The following COBL variants were observed in gnomAD, a reference collection of about 807,000 sequenced individuals.
The protein encoded by COBL is cordon-bleu WH2 repeat protein.
Under a neutral mutation model 98.8 loss-of-function variants are expected in COBL, and 51 were observed. That is an observed-to-expected ratio of 0.52 (90% CI 0.41 to 0.65). COBL has a LOEUF of 0.65. COBL is among the 30% of genes least tolerant of loss of function. The probability of loss-of-function intolerance (pLI) is 0.00; values close to 1 mark genes in which losing one functional copy is unlikely to be tolerated. For missense variants in COBL, 1,617 were observed against 1,617.5 expected (o/e 1.00, Z 0.01); for synonymous variants, 634 against 651.7 (o/e 0.97, Z 0.41).
chr7:51,124,541 T>C (rs1798024507), intron 6 of COBL, among the ~76,000 whole-genome samples: 1 of 152,122 alleles, frequency 6.6e-6, no homozygotes, highest in Non-Finnish European at 1.5e-5. Context: ...GGATGGGAAT[T>C]AGACTGGAAC....
At chr7:51,055,364 C>T (rs993158603) in intron 7 of COBL, among the ~76,000 whole-genome samples, 1 of 152,180 alleles carries the variant, frequency 6.6e-6, no homozygotes. Context: ...TCCACAAGGC[C>T]GAATTCCTCT....
chr7:51,027,558 A>T (rs1562809607), intron 10 of COBL, among the ~76,000 whole-genome samples, 154 bp downstream of exon 10: 1 of 152,198 alleles, frequency 6.6e-6, no homozygotes, highest in Non-Finnish European at 1.5e-5. Context: ...AGGCAGTATG[A>T]TGGGAATTCT....
At chr7:51,207,894 G>A (rs1289372335) in intron 2 of COBL, among the ~76,000 whole-genome samples, 35 of 142,564 alleles carry the variant, frequency 2.5e-4, no homozygotes, top group African/African-American at 4.0e-4. Flanking sequence ...GCCGCCCATC[G>A]TCTGGGATGT....
intron 6 of COBL, among the ~76,000 whole-genome samples, chr7:51,116,179 A>G (rs1342638245): frequency 6.6e-6 from 1 of 152,114 alleles, no homozygotes; most frequent in African/African-American, 2.4e-5. Flanking sequence ...TAGTCTGTTA[A>G]CATTTAATGT....
intron 2 of COBL, among the ~76,000 whole-genome samples, chr7:51,218,230 T>C (rs1412561722): frequency 6.6e-6 from 1 of 152,242 alleles, no homozygotes; most frequent in Admixed American, 6.5e-5. Flanking sequence ...TATGCACCCC[T>C]TTGCCAATTA....
intron 1 of COBL, among the ~76,000 whole-genome samples, chr7:51,253,997 T>G (rs1259782703): frequency 2.6e-5 from 4 of 152,176 alleles, no homozygotes; most frequent in East Asian, 1.9e-4. Context: ...GCAAGCCATA[T>G]TCAAAGAAAT....
intron 2 of COBL, among the ~76,000 whole-genome samples, chr7:51,206,951 A>C (rs1022620449): frequency 6.6e-6 from 1 of 152,246 alleles, no homozygotes; most frequent in Non-Finnish European, 1.5e-5. Flanking sequence ...GTCCACCATG[A>C]GGACTGCAGC....
chr7:51,191,005 A>AGAG lies in COBL; in HGVS notation c.527_529dup (p.Pro176dup). On this transcript the variant is annotated inframe_insertion, in exon 4 of 13. Coordinates refer to ENST00000265136, the MANE Select transcript of COBL (RefSeq NM_015198.5). ...ACAAATGACTGGGAGAATATTCTGGAGAGGAACCTCAGGGCTCACACGCAC... is the reference window on the plus strand; with the variant it reads ...ACAAATGACTGGGAGAATATTCTGGAGAGGAGGAACCTCAGGGCTCACACGCAC... 1 of 1,614,166 alleles carries AGAG rather than the reference A, an allele frequency of 6.2e-7. No homozygotes were observed. Among genetic ancestry groups the AGAG allele is most frequent in the Middle Eastern group, 1.6e-4 (1 of 6,062 alleles).
At chr7:51,274,254 C>G (rs1201389535) in intron 1 of COBL, among the ~76,000 whole-genome samples, 1 of 152,196 alleles carries the variant, frequency 6.6e-6, no homozygotes, top group Non-Finnish European at 1.5e-5. Flanking sequence ...ACACACCTTC[C>G]CTCCCAAACA....
intron 1 of COBL, among the ~76,000 whole-genome samples, chr7:51,241,015 A>C (rs2129122441): frequency 6.6e-6 from 1 of 152,312 alleles, no homozygotes; most frequent in South Asian, 2.1e-4. Flanking sequence ...ACTTCCAGGC[A>C]GTGAGTGCTT....
At chr7:51,287,032 GTTAC>G (rs1298313170) in intron 1 of COBL, among the ~76,000 whole-genome samples, 1 of 152,180 alleles carries the variant, frequency 6.6e-6, no homozygotes, top group Non-Finnish European at 1.5e-5. Context: ...ACTGCATGTT[GTTAC>G]TTACAAGCGG....
At chr7:51,254,990 C>T (rs1002183937) in intron 1 of COBL, among the ~76,000 whole-genome samples, 1 of 152,162 alleles carries the variant, frequency 6.6e-6, no homozygotes, top group African/African-American at 2.4e-5. Flanking sequence ...TCCCTCCCCA[C>T]TCAATTAAAA....
intron 4 of COBL, chr7:51,188,071 T>A: frequency 2.4e-6 from 2 of 843,082 alleles, no homozygotes; most frequent in South Asian, 6.1e-5. Context: ...GCTGCAGCAG[T>A]GAGAAGGTCT....
intron 7 of COBL, among the ~76,000 whole-genome samples, chr7:51,056,172 G>A (rs1190963703): frequency 2.1e-5 from 3 of 144,940 alleles, no homozygotes; most frequent in Non-Finnish European, 4.5e-5. Flanking sequence ...CCAAATGTTT[G>A]TAAACTACGT....
rs140902980 is a variant in COBL at position 51,265,021 on chromosome 7, C to T, written c.42-45077G>A. On this transcript the variant is annotated intron_variant, in intron 1 of 12. Coordinates refer to ENST00000265136, the MANE Select transcript of COBL (RefSeq NM_015198.5). ...TGGCCCTCAGTAGGTCACTCATGCT[C>T]ACGTTTCCAATGTGAAGGCCTCCTG... Among the ~76,000 whole-genome samples, 577 of 152,288 alleles carry T rather than the reference C, an allele frequency of 3.8e-3. 1 individual carries two copies. Among genetic ancestry groups the T allele is most frequent in the Middle Eastern group, 0.014 (4 of 294 alleles).
chr7:51,239,083 T>C (rs1038536452), intron 1 of COBL, among the ~76,000 whole-genome samples: 4 of 152,240 alleles, frequency 2.6e-5, no homozygotes, highest in East Asian at 1.9e-4. Flanking sequence ...TTCACTGTTA[T>C]CTGTACCTTT....
intron 7 of COBL, among the ~76,000 whole-genome samples, chr7:51,055,690 G>A (rs113480240): frequency 5.9e-5 from 9 of 152,196 alleles, no homozygotes; most frequent in East Asian, 3.9e-4. Flanking sequence ...CGGCCTGGGC[G>A]ACACATGGGA....
At chr7:51,235,257 G>A (rs1031922479) in intron 1 of COBL, among the ~76,000 whole-genome samples, 1 of 152,138 alleles carries the variant, frequency 6.6e-6, no homozygotes, top group East Asian at 1.9e-4. Flanking sequence ...TTATATCGTG[G>A]CCCCCAGGTT....
intron 10 of COBL, 67 bp from the exon 11 acceptor site, chr7:51,026,732 A>C (rs1157876603): frequency 4.1e-5 from 65 of 1,570,052 alleles, no homozygotes; most frequent in Non-Finnish European, 5.6e-5. Flanking sequence ...AATGCAGCTC[A>C]TGAGAAAACC....
Sources: allele counts gnomAD v4.1 joint callset (sites outside exome capture counted in the v4.1 genomes callset), GRCh38; gene constraint gnomAD v4.1.1; transcripts MANE v1.5; gene names NCBI Gene and HGNC (gene_info 2026-07-23, HGNC 2026-07-21).